Variants in LMX1A observed in about 807,000 individuals in gnomAD.
LMX1A encodes LIM homeobox transcription factor 1-alpha.
LMX1A carries 15 observed loss-of-function variants against 49.1 expected under a neutral mutation model. The observed-to-expected ratio is 0.31, with a 90% CI of 0.20 to 0.47. The LOEUF is 0.47. LMX1A is among the 20% of genes least tolerant of loss of function. LMX1A has a pLI of 1.00. For missense variants in LMX1A, 372 were observed against 475.8 expected (o/e 0.78, Z 2.03); for synonymous variants, 167 against 185.7 (o/e 0.90, Z 0.82).
chr1:165,248,621 C>T lies in LMX1A; in HGVS notation c.496+787G>A, dbSNP rs190888098. 3.9e-5 allele frequency among the ~76,000 whole-genome samples: 6 copies of T among 152,272 alleles called. No individual in the cohort carries two copies. The East Asian group carries it at 7.7e-4, about 20-fold the overall frequency. On this transcript the variant is annotated intron_variant, in intron 4 of 8. Transcript: ENST00000342310. ...CAAGGCAGTAAGAGGGAGGGTCGAG[C>T]GGGTGGTGAGGAGAAAGAACGAAAT...
At chr1:165,354,312 T>C (rs1219295576) in intron 2 of LMX1A, among the ~76,000 whole-genome samples, 5 of 151,988 alleles carry the variant, frequency 3.3e-5, no homozygotes. Context: ...TGAGGAAGGT[T>C]AGGAGAAGCA....
rs187506236 is a variant in LMX1A at position 165,332,936 on chromosome 1, C to T, written c.263+20140G>A. On this transcript the variant is annotated intron_variant, in intron 3 of 8. Transcript: ENST00000342310. ...TGTCTTACACACAAAGCAGCTGTGA[C>T]ACAGTGCAAAGAGCACCGGACTTGC... 7.1e-4 allele frequency among the ~76,000 whole-genome samples: 108 copies of T among 152,330 alleles called. 1 individual carries two copies. In the East Asian group the frequency reaches 0.019, roughly 26 times the overall value.
At chr1:165,214,795 A>T (rs1471218817) in intron 4 of LMX1A, among the ~76,000 whole-genome samples, 1 of 152,252 alleles carries the variant, frequency 6.6e-6, no homozygotes, top group East Asian at 1.9e-4. Context: ...CTGTAAAGTA[A>T]ATAACTCTCT....
intron 3 of LMX1A, among the ~76,000 whole-genome samples, chr1:165,318,999 T>TCTCTCTCACA (rs1444303214): frequency 2.9e-4 from 34 of 117,750 alleles, no homozygotes; most frequent in Middle Eastern, 4.2e-3. Flanking sequence ...TCTCTCTCTC[T>TCTCTCTCACA]CACACACACA....
At chr1:165,330,994 T>A (rs1001843052) in intron 3 of LMX1A, among the ~76,000 whole-genome samples, 2 of 152,226 alleles carry the variant, frequency 1.3e-5, no homozygotes, top group African/African-American at 4.8e-5. Flanking sequence ...CAGTTTGAGT[T>A]CAGCCAAGTT....
At chr1:165,212,526 T>A (rs75312155) in intron 5 of LMX1A, among the ~76,000 whole-genome samples, 1 of 151,328 alleles carries the variant, frequency 6.6e-6, no homozygotes, top group Non-Finnish European at 1.5e-5. Context: ...GTTTTTTTTT[T>A]ATCACAGACA....
intron 3 of LMX1A, among the ~76,000 whole-genome samples, chr1:165,264,092 C>T (rs1045896861): frequency 6.6e-6 from 1 of 152,022 alleles, no homozygotes; most frequent in African/African-American, 2.4e-5. Flanking sequence ...CCCAGGAGAG[C>T]ATCAATTAAC....
chr1:165,214,055 C>T (rs1344837365), intron 4 of LMX1A, among the ~76,000 whole-genome samples: 1 of 152,208 alleles, frequency 6.6e-6, no homozygotes, highest in African/African-American at 2.4e-5. Context: ...GCATCATATC[C>T]TGGCTCCGCA....
intron 3 of LMX1A, among the ~76,000 whole-genome samples, chr1:165,328,839 A>G (rs1026066843): frequency 6.6e-6 from 1 of 152,184 alleles, no homozygotes; most frequent in Admixed American, 6.5e-5. Flanking sequence ...ATCTCAGCTC[A>G]CAGTGCAATT....
intron 3 of LMX1A, among the ~76,000 whole-genome samples, chr1:165,270,991 C>T (rs899446658): frequency 5.3e-5 from 8 of 152,146 alleles, no homozygotes; most frequent in African/African-American, 1.9e-4. Context: ...CAGCCATTTC[C>T]CTCCCAATCA....
intron 3 of LMX1A, among the ~76,000 whole-genome samples, chr1:165,289,542 T>G (rs1252620591): frequency 6.6e-6 from 1 of 152,232 alleles, no homozygotes; most frequent in Non-Finnish European, 1.5e-5. Context: ...GCATGTAAAA[T>G]GTTCATGTTT....
chr1:165,283,971 G>A (rs1012664628), intron 3 of LMX1A, among the ~76,000 whole-genome samples: 4 of 152,208 alleles, frequency 2.6e-5, no homozygotes, highest in African/African-American at 9.6e-5. Flanking sequence ...TGGACTGGCA[G>A]GAGGTAAAGA....
At chr1:165,291,436 G>A (rs1006823026) in intron 3 of LMX1A, among the ~76,000 whole-genome samples, 3 of 152,090 alleles carry the variant, frequency 2.0e-5, no homozygotes, top group Non-Finnish European at 4.4e-5. Context: ...GACTGAATTT[G>A]GGCCCATCAT....
rs909234124 is a variant in LMX1A at position 165,249,428 on chromosome 1, C to T, written c.476G>A (p.Ser159Asn). ...EKERELLSLV[S>N]PAASDSGKSD... is the part of the protein sequence containing the mutation. ...CTCACCTGAGTCTGAGGCTGCTGGG[C>T]TCACCAGGCTGAGCAGCTCCCGCTC... is the stretch of plus-strand genomic sequence containing the variant. Residue 159 changes from serine (S) to asparagine (N), a missense_variant, in exon 4 of 9, where the codon AGC becomes AAC. Physicochemically the swap from Ser to Asn is conservative, Grantham distance 46 (BLOSUM62 1). Around this residue, in one of 3 missense-constraint regions of LMX1A, gnomAD observed 199 missense variants for 244.0 expected, o/e 0.82. Coordinates refer to ENST00000342310, the MANE Select transcript of LMX1A (RefSeq NM_177398.4). 3 of 1,614,090 alleles carry T rather than the reference C, an allele frequency of 1.9e-6. No homozygotes were observed. Among genetic ancestry groups the T allele is most frequent in the Non-Finnish European group, 2.5e-6 (3 of 1,179,938 alleles).
chr1:165,320,430 T>G (rs925807566), intron 3 of LMX1A, among the ~76,000 whole-genome samples: 1 of 152,194 alleles, frequency 6.6e-6, no homozygotes, highest in Non-Finnish European at 1.5e-5. Flanking sequence ...CCCCTAAAAA[T>G]TAAGAGTCAG....
intron 3 of LMX1A, among the ~76,000 whole-genome samples, chr1:165,301,576 T>A (rs1281436736): frequency 6.6e-6 from 1 of 152,110 alleles, no homozygotes; most frequent in African/African-American, 2.4e-5. Context: ...CAGCTTCCAA[T>A]CTGAGGAAAT....
At chr1:165,321,239 A>C (rs1204867466) in intron 3 of LMX1A, among the ~76,000 whole-genome samples, 1 of 152,078 alleles carries the variant, frequency 6.6e-6, no homozygotes, top group Non-Finnish European at 1.5e-5. Flanking sequence ...AGGGCTGGGG[A>C]GTTATGGATA....
chr1:165,205,735 A>T, intron 8 of LMX1A, 129 bp downstream of exon 8: 1 of 827,404 alleles, frequency 1.2e-6, no homozygotes, highest in East Asian at 2.6e-5. Flanking sequence ...TTCTGGCAGT[A>T]TTTTGTAGGG....
At chr1:165,260,936 T>G (rs1458475028) in intron 3 of LMX1A, among the ~76,000 whole-genome samples, 1 of 152,208 alleles carries the variant, frequency 6.6e-6, no homozygotes, top group Non-Finnish European at 1.5e-5. Flanking sequence ...TGCAATCTTG[T>G]GTAAACATCT....
Sources: allele counts gnomAD v4.1 joint callset (sites outside exome capture counted in the v4.1 genomes callset), GRCh38; gene constraint gnomAD v4.1.1; regional missense constraint gnomAD v4.1.1; transcripts MANE v1.5; gene names NCBI Gene and HGNC (gene_info 2026-07-23, HGNC 2026-07-21).